The following GOLGA4 variants were observed in gnomAD, a reference collection of about 807,000 sequenced individuals.
GOLGA4 encodes golgin A4.
In GOLGA4, 169 loss-of-function variants were observed where a neutral mutation model predicts 265.9. That is an observed-to-expected ratio of 0.64 (90% confidence interval 0.56 to 0.72). GOLGA4 has a LOEUF of 0.72. Among genes scored for constraint, GOLGA4 ranks in the 30% least tolerant of loss-of-function variants. GOLGA4 has a pLI of 0.00. For synonymous variants in GOLGA4, 923 were observed against 855.8 expected, an observed-to-expected ratio of 1.08 and a Z score of -1.37; for missense variants, 2,482 against 2,483.4, an observed-to-expected ratio of 1.00 and a Z score of 0.01.
chr3:37,254,153 A>T (rs1183064424), intron 2 of GOLGA4, among the ~76,000 whole-genome samples: 6 of 152,252 alleles, frequency 3.9e-5, no homozygotes, highest in Non-Finnish European at 8.8e-5. Flanking sequence ...TACTGATTGC[A>T]AAAACATTAC....
intron 2 of GOLGA4, among the ~76,000 whole-genome samples, chr3:37,253,964 T>C (rs1045944836): frequency 6.7e-6 from 1 of 150,320 alleles, no homozygotes; most frequent in Non-Finnish European, 1.5e-5. Flanking sequence ...TGTAGTGAGC[T>C]GAGATCGTGC....
At chr3:37,313,836 T>C (rs1439167359) in intron 10 of GOLGA4, among the ~76,000 whole-genome samples, 1 of 152,210 alleles carries the variant, frequency 6.6e-6, no homozygotes, top group Non-Finnish European at 1.5e-5. Context: ...TATCCAGACA[T>C]AACTTTATTA....
intron 2 of GOLGA4, among the ~76,000 whole-genome samples, chr3:37,263,796 T>TAA (rs1264696358): frequency 3.9e-5 from 6 of 152,338 alleles, no homozygotes; most frequent in Admixed American, 2.0e-4. Context: ...CAGACACATA[T>TAA]AACTTCAGTG....
At chr3:37,276,191 G>T in intron 2 of GOLGA4, 1 of 1,586,110 alleles carries the variant, frequency 6.3e-7, no homozygotes. Flanking sequence ...TGATGAGGAA[G>T]AATTAGGATC....
chr3:37,324,078 A>T lies in GOLGA4; in HGVS notation c.2192A>T (p.His731Leu), dbSNP rs1206546176. The change falls in exon 14 of 24, where the codon CAT (histidine) becomes CTT (leucine). Residue 731 changes from histidine (H) to leucine (L), a missense_variant. Physicochemically the swap from His to Leu is moderately conservative, Grantham distance 99. This residue lies in a region of GOLGA4 where 1,536 missense variants were observed against 1,483.7 expected (regional missense o/e 1.04). Transcript: ENST00000361924. ...GCCAAGATGGATGAACAGAAAAATC[A>T]TCACCAGCAGCAAGTTGACAGTATC... ...LEAKMDEQKN[H>L]HQQQVDSIIK... The T allele has an allele frequency of 1.9e-6, 3 of 1,614,182 alleles. No individual in the cohort carries two copies. In the East Asian group the frequency reaches 6.7e-5, roughly 36 times the overall value.
intron 12 of GOLGA4, chr3:37,319,806 A>G (rs962224646): frequency 6.6e-6 from 1 of 152,208 alleles, no homozygotes; most frequent in Admixed American, 6.5e-5. Flanking sequence ...AGTATAACCA[A>G]CACACTTTCA....
intron 10 of GOLGA4, among the ~76,000 whole-genome samples, chr3:37,303,810 T>C (rs1436050091): frequency 6.6e-6 from 1 of 152,230 alleles, no homozygotes; most frequent in Admixed American, 6.5e-5. Context: ...CTGCTACTAT[T>C]GTTAATACTA....
Position 37,321,815 on chromosome 3 carries a change from A to G in GOLGA4, c.1630A>G (p.Lys544Glu), listed in dbSNP as rs766719482. Reference sequence around the variant, plus strand: ...GGCCCTAGAAGAGTTAGAGTTGCAGAAAAAAGCAATCCTCACAGAAAGTGA... The same window carrying G: ...GGCCCTAGAAGAGTTAGAGTTGCAGGAAAAAGCAATCCTCACAGAAAGTGA... ...SLALEELELQKKAILTESENK... is the reference protein window; with the variant it reads ...SLALEELELQEKAILTESENK... The change falls in exon 13 of 24, where the codon AAA (lysine) becomes GAA (glutamate). Residue 544 changes from lysine to glutamate, a missense_variant. Physicochemically the swap from Lys to Glu is moderately conservative, Grantham distance 56. Coordinates refer to ENST00000361924, the MANE Select transcript of GOLGA4 (RefSeq NM_002078.5). 5 of 1,613,234 alleles carry G rather than the reference A, an allele frequency of 3.1e-6. No individual in the cohort carries two copies. Among genetic ancestry groups the G allele is most frequent in the South Asian group, 1.1e-5 (1 of 90,976 alleles).
At chr3:37,274,978 C>G (rs561899071) in intron 2 of GOLGA4, among the ~76,000 whole-genome samples, 1 of 151,814 alleles carries the variant, frequency 6.6e-6, no homozygotes, top group African/African-American at 2.4e-5. Context: ...CTTTGGGAGG[C>G]CGAGGTGGGT....
At chr3:37,344,726 C>T (rs1406404438) in intron 20 of GOLGA4, among the ~76,000 whole-genome samples, 47 of 152,142 alleles carry the variant, frequency 3.1e-4, no homozygotes, top group Non-Finnish European at 1.0e-4. Flanking sequence ...TTATTCTTAA[C>T]TCTTTGAATG....
chr3:37,288,389 G>A (rs1439699899), intron 4 of GOLGA4, among the ~76,000 whole-genome samples: 1 of 150,936 alleles, frequency 6.6e-6, no homozygotes, highest in African/African-American at 2.4e-5. Flanking sequence ...GATTACAGGC[G>A]TGAGCCACCA....
chr3:37,272,771 G>A (rs1025401881), intron 2 of GOLGA4, among the ~76,000 whole-genome samples: 4 of 152,126 alleles, frequency 2.6e-5, no homozygotes, highest in African/African-American at 9.7e-5. Flanking sequence ...GTTGGCATTT[G>A]GTGGAATATT....
At position 37,315,424 on chromosome 3, in the gene GOLGA4, T is replaced by C; in HGVS notation, c.1239T>C (p.Phe413=). The change falls in exon 11 of 24, where the codon TTT becomes TTC. Residue 413 remains phenylalanine, a synonymous_variant. Transcript: ENST00000361924. The part of the protein sequence containing the change: ...EQKEKSERAA[F]EELEKALSTA... ...TTTCTGTTGTTTTCATTATAGCTTT[T>C]GAGGAACTTGAAAAAGCTTTGAGTA... 6.2e-7 allele frequency: 1 copy of C among 1,610,704 alleles called. No homozygotes were observed. The highest frequency in any genetic ancestry group is 8.5e-7 in the Non-Finnish European group (1 of 1,178,858).
chr3:37,318,219 CTTTT>C (rs763053779), intron 11 of GOLGA4, among the ~76,000 whole-genome samples: 1 of 151,704 alleles, frequency 6.6e-6, no homozygotes, highest in African/African-American at 2.4e-5. Flanking sequence ...GCCATATTAT[CTTTT>C]TTTTGTAGAG....
chr3:37,332,779 A>G (rs1578750445), intron 16 of GOLGA4, among the ~76,000 whole-genome samples: 1 of 151,902 alleles, frequency 6.6e-6, no homozygotes, highest in Non-Finnish European at 1.5e-5. Context: ...CTTATTTTTT[A>G]TTTTTTTCCC....
At chr3:37,335,236 A>C (rs775053185) in intron 17 of GOLGA4, 70 bp downstream of exon 17, 2 of 792,138 alleles carry the variant, frequency 2.5e-6, no homozygotes, top group Admixed American at 4.4e-5. Context: ...TGACTAGCCT[A>C]CTAACATACA....
intron 9 of GOLGA4, among the ~76,000 whole-genome samples, chr3:37,300,080 T>C (rs538814041): frequency 6.6e-6 from 1 of 152,060 alleles, no homozygotes; most frequent in East Asian, 1.9e-4. Context: ...AAATAAGTGA[T>C]AATGTATATA....
intron 4 of GOLGA4, among the ~76,000 whole-genome samples, chr3:37,288,283 T>G (rs913833285): frequency 4.0e-5 from 6 of 151,042 alleles, no homozygotes; most frequent in African/African-American, 1.5e-4. Context: ...TGAATTTTTT[T>G]TTTTTTAAGT....
chr3:37,341,317 C>T (rs2097033283), intron 20 of GOLGA4, among the ~76,000 whole-genome samples: 1 of 152,136 alleles, frequency 6.6e-6, no homozygotes, highest in African/African-American at 2.4e-5. Context: ...AATTTCATTA[C>T]CTCACTGTAT....
Sources: gnomAD v4.1 joint callset for allele counts (sites outside exome capture counted in the v4.1 genomes callset) on GRCh38, gnomAD v4.1.1 for gene constraint, gnomAD v4.1.1 regional missense constraint, MANE v1.5 for transcripts, NCBI Gene and HGNC (gene_info 2026-07-23, HGNC 2026-07-21) for gene names.